Variants in PIK3R1 observed in about 807,000 individuals in gnomAD.
PIK3R1 encodes the protein phosphatidylinositol 3-kinase regulatory subunit alpha.
Under a neutral mutation model 98.0 loss-of-function variants are expected in PIK3R1, and 29 were observed. The observed-to-expected ratio is 0.30, with a 90% CI of 0.22 to 0.40. PIK3R1 has a LOEUF of 0.40. Among genes scored for constraint, PIK3R1 ranks in the 10% least tolerant of loss-of-function variants. PIK3R1 has a pLI of 1.00. For synonymous variants in PIK3R1, 282 were observed against 311.8 expected (o/e 0.90, Z 1.01); for missense variants, 596 against 872.7 (o/e 0.68, Z 3.99).
chr5:68,244,914 T>C (rs889147376), intron 2 of PIK3R1, among the ~76,000 whole-genome samples: 23 of 152,196 alleles, frequency 1.5e-4, no homozygotes, highest in African/African-American at 5.6e-4. Flanking sequence ...TGCAGTTTTA[T>C]CAACCTCTCT....
rs201864156 is a variant in PIK3R1, at chr5:68,263,229, C to CTA, written c.335-10155_335-10154dup. Among the ~76,000 whole-genome samples, 1,315 of 132,814 alleles carry CTA rather than the reference C, an allele frequency of 9.9e-3. 58 individuals carry two copies. Among genetic ancestry groups the CTA allele is most frequent in the African/African-American group, 0.017 (599 of 34,786 alleles). The allele number at this position is 132,814 out of a possible 152,430, so 87.1% of individuals were successfully genotyped here. A position where few individuals can be genotyped will look rare whatever the true frequency, so the allele number is the denominator to read the frequency against. On this transcript the variant is annotated intron_variant, in intron 2 of 15. Transcript: ENST00000521381. ...TATATATATATTTCTACATATATAT[C>CTA]TATATATGTAGAAATATATATATAT...
Position 68,296,241 on chromosome 5 carries a change from A to G in PIK3R1, c.1885A>G (p.Ser629Gly). 1 of 1,614,226 alleles carries G rather than the reference A, an allele frequency of 6.2e-7. No individual in the cohort carries two copies. The highest frequency in any genetic ancestry group is 8.5e-7 in the Non-Finnish European group (1 of 1,180,030). Residue 629 changes from serine (S) to glycine (G), a missense_variant, in exon 15 of 16, where the codon AGC (serine) becomes GGC (glycine). Coordinates refer to ENST00000521381, the MANE Select transcript of PIK3R1 (RefSeq NM_181523.3). Reference sequence around the variant, plus strand: ...TGAGAAGACATGGAATGTTGGAAGCAGCAACCGAAACAAAGCTGAAAACCT... The same window carrying G: ...TGAGAAGACATGGAATGTTGGAAGCGGCAACCGAAACAAAGCTGAAAACCT... ...HDEKTWNVGS[S>G]NRNKAENLLR...
At chr5:68,293,647 T>C (rs1170035757) in intron 10 of PIK3R1, 62 bp from the exon 11 acceptor site, 2 of 1,257,994 alleles carry the variant, frequency 1.6e-6, no homozygotes, top group African/African-American at 3.0e-5. Flanking sequence ...GTCAGCTATT[T>C]TGTTAAACAA....
chr5:68,257,260 A>G (rs1745555759), intron 2 of PIK3R1, among the ~76,000 whole-genome samples: 1 of 152,216 alleles, frequency 6.6e-6, no homozygotes, highest in African/African-American at 2.4e-5. Context: ...CCCGACCCAC[A>G]CATTTCACCC....
At chr5:68,278,530 G>T (rs1352196267) in intron 4 of PIK3R1, among the ~76,000 whole-genome samples, 1 of 152,160 alleles carries the variant, frequency 6.6e-6, no homozygotes, top group African/African-American at 2.4e-5. Context: ...ACCATTCCTA[G>T]TTAGAACCCT....
rs1743833815 is a variant in PIK3R1 at position 68,215,774 on chromosome 5, G to A, written c.-562G>A. 2 of 152,710 alleles carry A rather than the reference G, an allele frequency of 1.3e-5. No individual in the cohort carries two copies. The highest frequency in any genetic ancestry group is 1.3e-4 in the Admixed American group (2 of 15,266). The allele number at this position is 152,710 out of a possible 1,614,324, so 9.5% of individuals were successfully genotyped here. On this transcript the variant is annotated 5_prime_UTR_variant, in exon 1 of 16. Coordinates refer to ENST00000521381, the MANE Select transcript of PIK3R1 (RefSeq NM_181523.3). ...GAGAGGAGTCGCCAGCAGCTGGAGC[G>A]GAGTTGGAGGAAGCAGCGGCAGCGG...
chr5:68,290,208 C>T (rs918019780), intron 7 of PIK3R1, among the ~76,000 whole-genome samples: 6 of 152,196 alleles, frequency 3.9e-5, no homozygotes, highest in Non-Finnish European at 7.3e-5. Context: ...TACTGCTTCT[C>T]TTATACATGA....
chr5:68,231,604 C>G (rs146927308), intron 2 of PIK3R1, among the ~76,000 whole-genome samples: 4 of 152,320 alleles, frequency 2.6e-5, no homozygotes, highest in African/African-American at 9.6e-5. Flanking sequence ...ACAGAGGTCA[C>G]AGAAAATAGT....
chr5:68,254,660 A>G (rs1368063493), intron 2 of PIK3R1, among the ~76,000 whole-genome samples: 1 of 152,226 alleles, frequency 6.6e-6, no homozygotes, highest in African/African-American at 2.4e-5. Context: ...GAATGGACTA[A>G]TAAGTGGCCT....
chr5:68,273,519 C>T (rs1273014195), intron 3 of PIK3R1, 37 bp downstream of exon 3: 1 of 1,489,084 alleles, frequency 6.7e-7, no homozygotes, highest in Non-Finnish European at 9.4e-7. Flanking sequence ...TTCCTTTGTT[C>T]TACCCTTATT....
intron 15 of PIK3R1, 103 bp downstream of exon 15, chr5:68,296,444 C>A: frequency 1.9e-6 from 2 of 1,069,896 alleles, no homozygotes; most frequent in Non-Finnish European, 2.7e-6. Context: ...TAGTTTTAGT[C>A]TTGAATAAGC....
chr5:68,226,320 A>C lies in PIK3R1; in HGVS notation c.-356A>C, dbSNP rs1744274925. On this transcript the variant is annotated 5_prime_UTR_variant, in exon 2 of 16. Transcript: ENST00000521381. Reference sequence around the variant, plus strand: ...GCTCGTGTGTGGAGTGCCACGGTACAATCAGACGACAGATGGACAGTGTGA... The same window carrying C: ...GCTCGTGTGTGGAGTGCCACGGTACCATCAGACGACAGATGGACAGTGTGA... 4 of 422,620 alleles carry C rather than the reference A, an allele frequency of 9.5e-6. No individual in the cohort carries two copies. Among genetic ancestry groups the C allele is most frequent in the Non-Finnish European group, 1.7e-5 (4 of 239,206 alleles). 26.2% of individuals were successfully genotyped at this position (422,620 alleles called of 1,614,324 possible). A position where few individuals can be genotyped will look rare whatever the true frequency, so the allele number is the denominator to read the frequency against.
At chr5:68,275,469 A>G (rs1280535260) in intron 4 of PIK3R1, among the ~76,000 whole-genome samples, 3 of 151,808 alleles carry the variant, frequency 2.0e-5, no homozygotes, top group African/African-American at 7.3e-5. Context: ...TTTGAGAAAT[A>G]GTGGTTAGGT....
At chr5:68,270,093 C>G (rs1358412479) in intron 2 of PIK3R1, among the ~76,000 whole-genome samples, 5 of 151,976 alleles carry the variant, frequency 3.3e-5, no homozygotes, top group Non-Finnish European at 7.4e-5. Flanking sequence ...TCTGGTGTGC[C>G]TTTTGAGAAA....
At chr5:68,218,088 G>GT (rs1302265099) in intron 1 of PIK3R1, among the ~76,000 whole-genome samples, 2 of 152,116 alleles carry the variant, frequency 1.3e-5, no homozygotes, top group East Asian at 1.9e-4. Context: ...TTTATTGAAT[G>GT]TTTTTTCTTT....
rs891155736 is a variant in PIK3R1, at chr5:68,293,979, A to G, written c.1425+145A>G. On this transcript the variant is annotated intron_variant, in intron 11 of 15. Coordinates refer to ENST00000521381, the MANE Select transcript of PIK3R1 (RefSeq NM_181523.3). ...TTTGTGAATCATTGTTGATTATTCT[A>G]GTGTAATATCTCTAAAGCTTTAAAC... 3 of 670,856 alleles carry G rather than the reference A, an allele frequency of 4.5e-6. No homozygotes were observed. In the East Asian group the frequency reaches 9.1e-5, roughly 20 times the overall value. The allele number at this position is 670,856 out of a possible 1,614,324, so 41.6% of individuals were successfully genotyped here.
intron 1 of PIK3R1, among the ~76,000 whole-genome samples, chr5:68,222,726 G>A (rs559583810): frequency 1.3e-5 from 2 of 152,242 alleles, no homozygotes; most frequent in East Asian, 1.9e-4. Context: ...CAGTAAAGCC[G>A]CTGTCTGAGA....
chr5:68,240,126 A>C (rs1312075312), intron 2 of PIK3R1, among the ~76,000 whole-genome samples: 1 of 150,018 alleles, frequency 6.7e-6, no homozygotes, highest in East Asian at 1.9e-4. Context: ...GTTTATGTAT[A>C]AATATATATT....
At chr5:68,232,809 A>G (rs1744532283) in intron 2 of PIK3R1, among the ~76,000 whole-genome samples, 1 of 152,182 alleles carries the variant, frequency 6.6e-6, no homozygotes, top group African/African-American at 2.4e-5. Context: ...CAGTGTCCTT[A>G]TATGTATATC....
Sources: gnomAD v4.1 joint callset for allele counts (sites outside exome capture counted in the v4.1 genomes callset) on GRCh38, gnomAD v4.1.1 for gene constraint, MANE v1.5 for transcripts, NCBI Gene and HGNC (gene_info 2026-07-23, HGNC 2026-07-21) for gene names.